The following TBC1D14 variants were observed in gnomAD, a reference collection of about 807,000 sequenced individuals.
TBC1D14 encodes the protein TBC1 domain family member 14, also known as TBC1 domain family, member 14.
In TBC1D14, 26 loss-of-function variants were observed where a neutral mutation model predicts 79.0. The ratio of observed to expected loss-of-function variants is 0.33; its 90% confidence interval spans 0.24 to 0.46. TBC1D14 has a LOEUF of 0.46. TBC1D14 is among the 20% of genes least tolerant of loss of function. The probability of loss-of-function intolerance (pLI) is 1.00; values close to 1 mark genes in which losing one functional copy is unlikely to be tolerated. For missense variants in TBC1D14, 769 were observed against 887.6 expected (o/e 0.87, Z 1.70); for synonymous variants, 394 against 349.9 (o/e 1.13, Z -1.40).
chr4:6,923,466 C>G lies in TBC1D14; in HGVS notation c.77C>G (p.Pro26Arg). 6.2e-7 allele frequency: 1 copy of G among 1,614,180 alleles called. No individual in the cohort carries two copies. Among genetic ancestry groups the G allele is most frequent in the Non-Finnish European group, 8.5e-7 (1 of 1,180,036 alleles). Residue 26 changes from proline (P) to arginine (R), a missense_variant, in exon 2 of 14, where the codon CCC (proline) becomes CGC (arginine). This residue lies in a region of TBC1D14 where 402 missense variants were observed against 393.2 expected (regional missense o/e 1.02). Coordinates refer to ENST00000409757, the MANE Select transcript of TBC1D14 (RefSeq NM_020773.3). Reference sequence around the variant, plus strand: ...ATTCTGGATGGTCGACCAGGAAACCCCCTTCAGAACCTGCAACACGTCAAT... The same window carrying G: ...ATTCTGGATGGTCGACCAGGAAACCGCCTTCAGAACCTGCAACACGTCAAT... ...MGILDGRPGNPLQNLQHVNLK... is the reference protein window; with the variant it reads ...MGILDGRPGNRLQNLQHVNLK...
intron 12 of TBC1D14, among the ~76,000 whole-genome samples, chr4:7,016,707 A>T (rs180956412): frequency 3.3e-5 from 5 of 152,240 alleles, no homozygotes; most frequent in Non-Finnish European, 5.9e-5. Flanking sequence ...CATGTGAAGC[A>T]TTCTGAAATA....
intron 2 of TBC1D14, among the ~76,000 whole-genome samples, chr4:6,934,888 G>T (rs879742193): frequency 3.3e-5 from 5 of 151,972 alleles, no homozygotes; most frequent in Non-Finnish European, 7.4e-5. Context: ...GATTGGCCTG[G>T]GCAAAATAGT....
rs533330897 is a variant in TBC1D14, at chr4:6,941,365, T to C, written c.722+17254T>C. Among the ~76,000 whole-genome samples the C allele has an allele frequency of 1.3e-4, 20 of 152,180 alleles. 1 individual carries two copies. In the East Asian group the frequency reaches 3.9e-3, roughly 29 times the overall value. On this transcript the variant is annotated intron_variant, in intron 2 of 13. Coordinates refer to ENST00000409757, the MANE Select transcript of TBC1D14 (RefSeq NM_020773.3). ...CACGCCTGGCTAATTTTTGTATTTTTAGTAAAGACAGGGTTTCACCATGTT... is the reference window on the plus strand; with the variant it reads ...CACGCCTGGCTAATTTTTGTATTTTCAGTAAAGACAGGGTTTCACCATGTT...
chr4:6,954,248 GA>G, intron 2 of TBC1D14: 1 of 717,100 alleles, frequency 1.4e-6, no homozygotes, highest in Non-Finnish European at 2.6e-6. Context: ...GCGGCACGGG[GA>G]GAGTCCGTGC....
intron 9 of TBC1D14, among the ~76,000 whole-genome samples, chr4:7,007,263 T>C (rs1018836176): frequency 1.3e-5 from 2 of 152,122 alleles, no homozygotes; most frequent in Admixed American, 6.5e-5. Context: ...CTGTGGGAGA[T>C]AGGACAGGCT....
intron 3 of TBC1D14, among the ~76,000 whole-genome samples, chr4:6,975,502 C>T (rs1481983468): frequency 1.3e-5 from 2 of 152,100 alleles, no homozygotes; most frequent in South Asian, 2.1e-4. Flanking sequence ...TGAGCCACTG[C>T]GCCTGGCCAG....
intron 2 of TBC1D14, among the ~76,000 whole-genome samples, chr4:6,965,433 G>GGT (rs1018886874): frequency 1.2e-4 from 19 of 152,216 alleles, no homozygotes; most frequent in African/African-American, 4.6e-4. Context: ...TCTCAGTCTG[G>GGT]GTGTGTCTGC....
intron 6 of TBC1D14, among the ~76,000 whole-genome samples, 183 bp from the exon 7 acceptor site, chr4:7,000,962 G>A (rs142396481): frequency 5.8e-4 from 88 of 152,276 alleles, no homozygotes; most frequent in Non-Finnish European, 9.3e-4. Flanking sequence ...CACGGCAGCT[G>A]CCAGTGGAAG....
intron 13 of TBC1D14, among the ~76,000 whole-genome samples, chr4:7,030,013 C>T (rs1276965872): frequency 2.0e-5 from 3 of 152,102 alleles, no homozygotes; most frequent in Non-Finnish European, 1.5e-5. Context: ...TTATTAGCAT[C>T]CTAGCGTTCA....
intron 12 of TBC1D14, among the ~76,000 whole-genome samples, chr4:7,015,330 G>C (rs1034535405): frequency 5.3e-5 from 8 of 152,172 alleles, no homozygotes; most frequent in Non-Finnish European, 1.0e-4. Flanking sequence ...GAAATATTGT[G>C]GGTATGTCAG....
At chr4:6,992,703 A>C (rs1009710075) in intron 3 of TBC1D14, among the ~76,000 whole-genome samples, 2 of 152,198 alleles carry the variant, frequency 1.3e-5, no homozygotes, top group Non-Finnish European at 2.9e-5. Flanking sequence ...ATTTCCTATG[A>C]AATTGGAGAC....
chr4:7,023,849 G>A (rs1391826923), intron 12 of TBC1D14, among the ~76,000 whole-genome samples: 3 of 152,248 alleles, frequency 2.0e-5, no homozygotes, highest in African/African-American at 4.8e-5. Flanking sequence ...CCCGGTGTGC[G>A]CCCAGCTTCT....
At chr4:6,999,014 GA>G in intron 5 of TBC1D14, 70 bp from the exon 6 acceptor site, 1 of 1,509,034 alleles carries the variant, frequency 6.6e-7, no homozygotes, top group East Asian at 2.3e-5. Context: ...AGTGTGACAG[GA>G]AAATCACCTT....
At chr4:6,928,222 G>A (rs373614342) in intron 2 of TBC1D14, among the ~76,000 whole-genome samples, 84 of 152,308 alleles carry the variant, frequency 5.5e-4, no homozygotes, top group African/African-American at 1.8e-3. Context: ...GGGGCAGAGG[G>A]AACAGCTTGT....
chr4:6,963,647 C>CTACA (rs1319295901), intron 2 of TBC1D14, among the ~76,000 whole-genome samples: 1 of 152,264 alleles, frequency 6.6e-6, no homozygotes, highest in African/African-American at 2.4e-5. Context: ...AGACCCCAGG[C>CTACA]TACAGCACCT....
At chr4:7,018,789 C>T (rs1168986400) in intron 12 of TBC1D14, among the ~76,000 whole-genome samples, 2 of 152,168 alleles carry the variant, frequency 1.3e-5, no homozygotes, top group East Asian at 3.9e-4. Context: ...TTCAGTGTTT[C>T]GACTGTCAAG....
intron 1 of TBC1D14, among the ~76,000 whole-genome samples, chr4:6,918,421 G>C (rs1723575323): frequency 6.6e-6 from 1 of 152,180 alleles, no homozygotes; most frequent in South Asian, 2.1e-4. Context: ...GTGTTTTGCT[G>C]TACTAGGAAG....
chr4:7,011,570 T>C (rs1306052561), intron 11 of TBC1D14, among the ~76,000 whole-genome samples: 1 of 151,638 alleles, frequency 6.6e-6, no homozygotes, highest in South Asian at 2.1e-4. Flanking sequence ...TTTTGTTTTG[T>C]TTTTTTGGCA....
chr4:6,923,684 C>T lies in TBC1D14; in HGVS notation c.295C>T (p.Arg99Trp), dbSNP rs1390421741. ...GTCCGACTCCGACCTCATCCCCGAG[C>T]GGGCCTTCCAGAGCGCCTGCGCGCT... ...KQSDSDLIPE[R>W]AFQSACALPS... is the part of the protein sequence containing the mutation. The change falls in exon 2 of 14, where the codon CGG becomes TGG. Residue 99 changes from arginine to tryptophan, a missense_variant. Arg to Trp is a moderately radical substitution (Grantham distance 101). Coordinates refer to ENST00000409757, the MANE Select transcript of TBC1D14 (RefSeq NM_020773.3). 16 of 1,613,766 alleles carry T rather than the reference C, an allele frequency of 9.9e-6. No homozygotes were observed. Among genetic ancestry groups the T allele is most frequent in the South Asian group, 3.3e-5 (3 of 91,078 alleles).
Sources: allele counts gnomAD v4.1 joint callset (sites outside exome capture counted in the v4.1 genomes callset), GRCh38; gene constraint gnomAD v4.1.1; regional missense constraint gnomAD v4.1.1; transcripts MANE v1.5; gene names NCBI Gene and HGNC (gene_info 2026-07-23, HGNC 2026-07-21).